LARGE1: variants seen among roughly 807,000 people sequenced by gnomAD.
LARGE1 encodes the protein LARGE xylosyl- and glucuronyltransferase 1.
In LARGE1, 43 loss-of-function variants were observed where a neutral mutation model predicts 87.6. The observed-to-expected ratio is 0.49, with a 90% CI of 0.38 to 0.63. The LOEUF is 0.63. Among genes scored for constraint, LARGE1 ranks in the 30% least tolerant of loss-of-function variants. The pLI, the probability that LARGE1 is intolerant of heterozygous loss-of-function variation, is 0.00. For missense variants in LARGE1, 802 were observed against 1,000.2 expected (o/e 0.80, Z 2.67); for synonymous variants, 434 against 394.6 (o/e 1.10, Z -1.18).
chr22:33,627,087 A>G (rs557264374), intron 3 of LARGE1, among the ~76,000 whole-genome samples: 1 of 152,350 alleles, frequency 6.6e-6, no homozygotes, highest in Admixed American at 6.5e-5. Context: ...GGTCCTCCAG[A>G]GCTGGGCTTC....
chr22:33,316,922 T>C (rs933220526), intron 10 of LARGE1, among the ~76,000 whole-genome samples: 1 of 151,686 alleles, frequency 6.6e-6, no homozygotes. Flanking sequence ...TCAAATAACA[T>C]GGGAAAATGG....
chr22:33,377,425 A>C (rs950425838), intron 9 of LARGE1, among the ~76,000 whole-genome samples: 1 of 152,216 alleles, frequency 6.6e-6, no homozygotes, highest in Non-Finnish European at 1.5e-5. Context: ...AAAAACCTTT[A>C]TCTTCCTTTA....
chr22:33,292,436 G>A (rs1467738917), intron 12 of LARGE1, among the ~76,000 whole-genome samples: 1 of 152,066 alleles, frequency 6.6e-6, no homozygotes, highest in Non-Finnish European at 1.5e-5. Flanking sequence ...TTCTATACTG[G>A]GGGGTTTGGG....
exon 12 of LARGE1, chr22:33,165,745 C>G (rs867601056): frequency 6.6e-6 from 1 of 152,076 alleles, no homozygotes; most frequent in East Asian, 1.9e-4. Flanking sequence ...ATGTTTCCTT[C>G]GAGTCCTTAA....
chr22:33,224,557 A>C (rs542221184), intron 11 of LARGE1, among the ~76,000 whole-genome samples: 1 of 152,356 alleles, frequency 6.6e-6, no homozygotes, highest in Non-Finnish European at 1.5e-5. Context: ...TAAAGTGTTC[A>C]GTCCAAGTAC....
chr22:33,744,069 G>A (rs2083988882), intron 2 of LARGE1: 1 of 152,144 alleles, frequency 6.6e-6, no homozygotes, highest in Admixed American at 6.5e-5. Context: ...TATATTTACT[G>A]AGCAACAACT....
intron 6 of LARGE1, among the ~76,000 whole-genome samples, chr22:33,471,795 G>A (rs2068853507): frequency 6.6e-6 from 1 of 152,190 alleles, no homozygotes; most frequent in Non-Finnish European, 1.5e-5. Context: ...AGCACTTTGG[G>A]AGGCCGAGGC....
intron 2 of LARGE1, among the ~76,000 whole-genome samples, chr22:33,667,308 T>C (rs1425290400): frequency 1.3e-5 from 2 of 152,218 alleles, no homozygotes; most frequent in Non-Finnish European, 2.9e-5. Context: ...CAGAAGGAAA[T>C]GCAAACAGCA....
intron 14 of LARGE1, 147 bp downstream of exon 14, chr22:33,276,913 G>T: frequency 1.2e-6 from 1 of 814,522 alleles, no homozygotes; most frequent in Non-Finnish European, 2.1e-6. Context: ...GGGATCAAGA[G>T]CCCAAGGATC....
chr22:33,342,119 C>A (rs1229358643), intron 9 of LARGE1, among the ~76,000 whole-genome samples: 2 of 152,124 alleles, frequency 1.3e-5, no homozygotes, highest in African/African-American at 4.8e-5. Flanking sequence ...TTGATCTGGG[C>A]ATAAGATCCT....
intron 2 of LARGE1, among the ~76,000 whole-genome samples, chr22:33,677,056 C>G (rs887458573): frequency 1.3e-5 from 2 of 152,224 alleles, no homozygotes; most frequent in Admixed American, 6.5e-5. Context: ...ATCGACGGCT[C>G]AGAGACCTTC....
Position 33,650,513 on chromosome 22 carries a change from C to T in LARGE1, c.262G>A (p.Gly88Ser), listed in dbSNP as rs778013828. Residue 88 changes from glycine to serine, a missense_variant, in exon 3 of 15, where the codon GGC becomes AGC. By Grantham distance (56) the Gly-to-Ser change is moderately conservative. Transcript: ENST00000397394. ...CCTCGGCGATGGGATGGGGCTCGGCCCTGGGCCAGGCTGAGCTGCCTGCGG... is the reference window on the plus strand; with the variant it reads ...CCTCGGCGATGGGATGGGGCTCGGCTCTGGGCCAGGCTGAGCTGCCTGCGG... Reference protein sequence around the residue: ...ALRRQLSLAQGRAPSHRRGNH... With the variant: ...ALRRQLSLAQSRAPSHRRGNH... The T allele has an allele frequency of 6.2e-7, 1 of 1,613,030 alleles. No individual in the cohort carries two copies. Among genetic ancestry groups the T allele is most frequent in the South Asian group, 1.1e-5 (1 of 91,078 alleles).
intron 11 of LARGE1, among the ~76,000 whole-genome samples, chr22:33,231,914 C>A (rs1174582453): frequency 6.6e-6 from 1 of 152,188 alleles, no homozygotes; most frequent in East Asian, 1.9e-4. Flanking sequence ...TACTAGAAAC[C>A]ATTTATGATG....
chr22:33,340,388 G>A (rs1221497485), intron 9 of LARGE1, among the ~76,000 whole-genome samples: 2 of 151,876 alleles, frequency 1.3e-5, no homozygotes, highest in South Asian at 2.1e-4. Flanking sequence ...TGAATGATGG[G>A]TGGAGGCAGA....
the LARGE1 span, among the ~76,000 whole-genome samples, chr22:33,147,900 T>A: frequency 6.6e-6 from 1 of 152,240 alleles, no homozygotes; most frequent in Non-Finnish European, 1.5e-5. Context: ...ACTGATCTGT[T>A]CCCCATCTGC....
intron 11 of LARGE1, among the ~76,000 whole-genome samples, chr22:33,223,311 T>A (rs1240033511): frequency 1.3e-5 from 2 of 152,192 alleles, no homozygotes; most frequent in African/African-American, 2.4e-5. Context: ...ACATCCAGAT[T>A]TAAAAAAACC....
At chr22:33,085,267 C>T in the LARGE1 span, among the ~76,000 whole-genome samples, 212 of 152,346 alleles carry the variant, frequency 1.4e-3, no homozygotes, top group Non-Finnish European at 2.1e-3. Context: ...CAGAGCGAGA[C>T]TCCGTCTCAA....
intron 1 of LARGE1, among the ~76,000 whole-genome samples, chr22:33,812,514 T>G (rs1296570749): frequency 1.3e-5 from 2 of 152,242 alleles, no homozygotes; most frequent in Non-Finnish European, 2.9e-5. Flanking sequence ...AGCCTCCTGC[T>G]GTGCATTTTC....
chr22:33,634,208 G>C (rs1351520997), intron 3 of LARGE1, among the ~76,000 whole-genome samples: 1 of 152,170 alleles, frequency 6.6e-6, no homozygotes, highest in Non-Finnish European at 1.5e-5. Flanking sequence ...TGCTTGTTAA[G>C]GACATGGAGT....
Sources: allele counts gnomAD v4.1 joint callset (sites outside exome capture counted in the v4.1 genomes callset), GRCh38; gene constraint gnomAD v4.1.1; transcripts MANE v1.5; gene names NCBI Gene and HGNC (gene_info 2026-07-23, HGNC 2026-07-21).